Variants in ACTL8 observed in about 807,000 individuals in gnomAD.
ACTL8 encodes the protein actin like 8.
ACTL8 carries 3 observed loss-of-function variants against 9.3 expected under a neutral mutation model. The observed-to-expected ratio is 0.32, with a 90% CI of 0.15 to 0.83. The LOEUF (loss-of-function observed/expected upper bound fraction) is 0.83, where lower values mean the gene tolerates loss of function less well. Ranked by LOEUF, ACTL8 falls within the 40% of genes least tolerant of loss-of-function variation. The probability of loss-of-function intolerance (pLI) is 0.57; values close to 1 mark genes in which losing one functional copy is unlikely to be tolerated. For missense variants in ACTL8, 381 were observed against 492.2 expected (o/e 0.77, Z 2.14); for synonymous variants, 224 against 205.9 (o/e 1.09, Z -0.75).
Position 17,818,004 on chromosome 1 carries a change from AACC to A in ACTL8, c.-24-4978_-24-4976del, listed in dbSNP as rs537303453. ...GGTGTGAGCCACCGTGCCTGACCTC[AACC>A]ACGTTCAATTCCATCCATTCAGGAA... is the stretch of plus-strand genomic sequence containing the variant. On this transcript the variant is annotated intron_variant, in intron 1 of 2. Transcript: ENST00000375406. Among the ~76,000 whole-genome samples, 11 of 152,186 alleles carry A rather than the reference AACC, an allele frequency of 7.2e-5. No homozygotes were observed. In the East Asian group the frequency reaches 2.1e-3, roughly 29 times the overall value.
At chr1:17,798,509 G>T (rs929600017) in intron 1 of ACTL8, among the ~76,000 whole-genome samples, 1 of 152,124 alleles carries the variant, frequency 6.6e-6, no homozygotes, top group African/African-American at 2.4e-5. Context: ...GGGAGAGGGA[G>T]TTGGTGGAGG....
chr1:17,824,496 C>G (rs1381319279), intron 2 of ACTL8, among the ~76,000 whole-genome samples: 1 of 152,184 alleles, frequency 6.6e-6, no homozygotes, highest in Admixed American at 6.5e-5. Context: ...GCAGCAGAGA[C>G]TGTTTGAGAC....
At chr1:17,769,965 T>C (rs1279104773) in intron 1 of ACTL8, among the ~76,000 whole-genome samples, 1 of 152,182 alleles carries the variant, frequency 6.6e-6, no homozygotes, top group Non-Finnish European at 1.5e-5. Context: ...TCTGGATTAT[T>C]TGGGTCTCCT....
intron 1 of ACTL8, among the ~76,000 whole-genome samples, chr1:17,773,427 G>T (rs1462384442): frequency 6.6e-6 from 1 of 152,256 alleles, no homozygotes; most frequent in Non-Finnish European, 1.5e-5. Flanking sequence ...TGCAGGGGAA[G>T]CCTTTCCTAG....
At position 17,823,128 on chromosome 1, in the gene ACTL8, G is replaced by C. The variant is rs760784948; in HGVS notation, c.120G>C (p.Glu40Asp). ...PNIVNYLPCK[E>D]NPGPSYARRR... ...TCGTGAACTACCTACCGTGCAAGGA[G>C]AACCCTGGCCCCAGCTATGCCCGTA... The change falls in exon 2 of 3, where the codon GAG (glutamate) becomes GAC (aspartate). Residue 40 changes from glutamate (E) to aspartate (D), a missense_variant. Physicochemically the swap from Glu to Asp is conservative, Grantham distance 45. Coordinates refer to ENST00000375406, the MANE Select transcript of ACTL8 (RefSeq NM_030812.3). This position sits in a 1 kb window ranked among gnomAD's most constrained non-coding sequence, Gnocchi z 5.3. The C allele has an allele frequency of 6.2e-7, 1 of 1,614,118 alleles. No individual in the cohort carries two copies. Among genetic ancestry groups the C allele is most frequent in the African/African-American group, 1.3e-5 (1 of 74,944 alleles).
intron 1 of ACTL8, among the ~76,000 whole-genome samples, chr1:17,794,620 A>AT (rs145055573): frequency 0.04 from 6,041 of 152,178 alleles, 410 homozygotes; most frequent in African/African-American, 0.14. Flanking sequence ...GTCTCATCTT[A>AT]TTTTTTTACT....
chr1:17,784,274 A>C (rs2066178740), intron 1 of ACTL8, among the ~76,000 whole-genome samples: 1 of 152,150 alleles, frequency 6.6e-6, no homozygotes. Flanking sequence ...ACCAGATCTC[A>C]TGAGAACTCA....
intron 1 of ACTL8, among the ~76,000 whole-genome samples, chr1:17,791,268 C>T (rs1187141233): frequency 6.6e-6 from 1 of 152,158 alleles, no homozygotes; most frequent in East Asian, 1.9e-4. Flanking sequence ...CAGCCCTGGC[C>T]ACGCCTCCCT....
In ACTL8 at chr1:17,809,995, A is replaced by G. The variant is rs184299595; in HGVS notation, c.-24-12990A>G. On this transcript the variant is annotated intron_variant, in intron 1 of 2. Coordinates refer to ENST00000375406, the MANE Select transcript of ACTL8 (RefSeq NM_030812.3). ...CTAGATTTAACTGCAGTTTGTTCTG[A>G]TTTTATTCAACTTTTTCTTCCACTG... 1.2e-3 allele frequency among the ~76,000 whole-genome samples: 179 copies of G among 152,230 alleles called. 2 individuals are homozygous for G. Among genetic ancestry groups the G allele is most frequent in the African/African-American group, 4.2e-3 (176 of 41,534 alleles).
intron 1 of ACTL8, among the ~76,000 whole-genome samples, chr1:17,805,318 G>A (rs938772728): frequency 6.7e-6 from 1 of 149,664 alleles, no homozygotes; most frequent in Admixed American, 6.6e-5. Flanking sequence ...ACAAGTCTTG[G>A]CTTTATTTTT....
intron 1 of ACTL8, among the ~76,000 whole-genome samples, chr1:17,803,236 G>A (rs1030435881): frequency 3.3e-5 from 5 of 152,148 alleles, no homozygotes; most frequent in African/African-American, 7.2e-5. Flanking sequence ...CCTTGCTGCC[G>A]CCATGTGAAG....
rs924872941 is a variant in ACTL8, at chr1:17,825,909, G to T, written c.491G>T (p.Arg164Leu). The T allele has an allele frequency of 4.3e-6, 7 of 1,612,818 alleles. No homozygotes were observed. Among genetic ancestry groups the T allele is most frequent in the Non-Finnish European group, 5.1e-6 (6 of 1,180,010 alleles). Residue 164 changes from arginine to leucine, a missense_variant, in exon 3 of 3, where the codon CGC becomes CTC. Transcript: ENST00000375406. ...CGCGTGCAGCCTTTCCACCAGGGCC[G>T]CCCCTTGCCCGCCAGCGGCAAGACG... ...LTRVQPFHQG[R>L]PLPASGKTLE...
At chr1:17,810,747 T>C (rs983737897) in intron 1 of ACTL8, among the ~76,000 whole-genome samples, 9 of 152,368 alleles carry the variant, frequency 5.9e-5, no homozygotes, top group African/African-American at 2.2e-4. Flanking sequence ...GAATATCATA[T>C]AATTGGGAAT....
intron 1 of ACTL8, among the ~76,000 whole-genome samples, chr1:17,760,751 G>A (rs138959685): frequency 6.6e-6 from 1 of 152,294 alleles, no homozygotes; most frequent in African/African-American, 2.4e-5. Flanking sequence ...GTGGCCTTGG[G>A]TTCTGGGCAC....
intron 1 of ACTL8, among the ~76,000 whole-genome samples, chr1:17,800,583 C>CTTTTTTTTT (rs59143238): frequency 7.2e-5 from 5 of 69,156 alleles, no homozygotes; most frequent in Admixed American, 1.6e-4. Context: ...TGGTGTCAAT[C>CTTTTTTTTT]TTTTTTTTTT....
At chr1:17,776,852 T>A (rs964170395) in intron 1 of ACTL8, among the ~76,000 whole-genome samples, 1 of 151,862 alleles carries the variant, frequency 6.6e-6, no homozygotes, top group African/African-American at 2.4e-5. Flanking sequence ...CAGGCAGGAG[T>A]GCAGTGGTAA....
In ACTL8 at chr1:17,826,521, C is replaced by T. The variant is rs1168483158; in HGVS notation, c.*2C>T. The T allele has an allele frequency of 6.5e-7, 1 of 1,544,406 alleles. No homozygotes were observed. Among genetic ancestry groups the T allele is most frequent in the Admixed American group, 1.9e-5 (1 of 52,320 alleles). Reference sequence around the variant, plus strand: ...TATGGTGAGCATATGAGGATGTGACCCTACTGGCTCACTCCTGAGAATGGG... The same window carrying T: ...TATGGTGAGCATATGAGGATGTGACTCTACTGGCTCACTCCTGAGAATGGG... On this transcript the variant is annotated 3_prime_UTR_variant, in exon 3 of 3. Transcript: ENST00000375406. This position sits in a 1 kb window ranked among gnomAD's most constrained non-coding sequence, Gnocchi z 4.5.
intron 1 of ACTL8, among the ~76,000 whole-genome samples, chr1:17,820,016 A>C (rs1271467105): frequency 6.6e-6 from 1 of 152,200 alleles, no homozygotes; most frequent in African/African-American, 2.4e-5. Context: ...CAAAAAAAAA[A>C]AACTTTGTTT....
At chr1:17,780,962 A>G (rs1399003610) in intron 1 of ACTL8, among the ~76,000 whole-genome samples, 2 of 152,152 alleles carry the variant, frequency 1.3e-5, no homozygotes, top group African/African-American at 2.4e-5. Context: ...AATGACCACA[A>G]TCTGAATGGC....
Sources: gnomAD v4.1 joint callset for allele counts (sites outside exome capture counted in the v4.1 genomes callset) on GRCh38, gnomAD v4.1.1 for gene constraint, Gnocchi (gnomAD v3.1) non-coding constraint, MANE v1.5 for transcripts, NCBI Gene and HGNC (gene_info 2026-07-23, HGNC 2026-07-21) for gene names.